COL28A1: variants seen among roughly 807,000 people sequenced by gnomAD.
COL28A1 encodes the protein collagen type XXVIII alpha 1 chain.
In COL28A1, 161 loss-of-function variants were observed where a neutral mutation model predicts 150.2. The ratio of observed to expected loss-of-function variants is 1.07; its 90% CI spans 0.94 to 1.22. The LOEUF (loss-of-function observed/expected upper bound fraction) is 1.22, where lower values mean the gene tolerates loss of function less well. Ranked by LOEUF, COL28A1 falls within the 50% of genes most tolerant of loss-of-function variation. The probability of loss-of-function intolerance (pLI) is 0.00; values close to 1 mark genes in which losing one functional copy is unlikely to be tolerated. For missense variants in COL28A1, 1,617 were observed against 1,388.3 expected (o/e 1.16, Z -2.62); for synonymous variants, 552 against 469.7 (o/e 1.18, Z -2.26).
intron 15 of COL28A1, among the ~76,000 whole-genome samples, chr7:7,463,706 A>C (rs1183801888): frequency 6.6e-6 from 1 of 152,248 alleles, no homozygotes; most frequent in Non-Finnish European, 1.5e-5. Context: ...GAAACACATC[A>C]AAACAGAAAC....
the COL28A1 span, among the ~76,000 whole-genome samples, chr7:7,344,241 A>G: frequency 6.6e-6 from 1 of 151,986 alleles, no homozygotes; most frequent in African/African-American, 2.4e-5. Context: ...CAGGGTCTGG[A>G]TTGTAAGTGG....
chr7:7,393,971 G>C (rs981874040), intron 27 of COL28A1, among the ~76,000 whole-genome samples: 3 of 89,718 alleles, frequency 3.3e-5, no homozygotes, highest in Non-Finnish European at 7.7e-5. Context: ...TGTGCCACTG[G>C]GGTATGAAAA....
At chr7:7,352,524 C>T (rs149637496), downstream of COL28A1, among the ~76,000 whole-genome samples, 859 of 152,262 alleles carry the variant, frequency 5.6e-3, 13 homozygotes, top group African/African-American at 0.02. Context: ...TCCAGCTCTG[C>T]TCAGAAAACC....
At chr7:7,441,887 G>A (rs775852892) in intron 20 of COL28A1, among the ~76,000 whole-genome samples, 4 of 151,862 alleles carry the variant, frequency 2.6e-5, no homozygotes, top group Non-Finnish European at 5.9e-5. Context: ...CAGTGGCACC[G>A]GTGTAAAAAA....
chr7:7,479,338 C>T (rs1199355813), intron 13 of COL28A1, among the ~76,000 whole-genome samples: 1 of 152,102 alleles, frequency 6.6e-6, no homozygotes, highest in Non-Finnish European at 1.5e-5. Flanking sequence ...TGTTCTATTC[C>T]ACTGTTCTCA....
At chr7:7,537,296 T>C (rs966382765), upstream of COL28A1, among the ~76,000 whole-genome samples, 2 of 151,956 alleles carry the variant, frequency 1.3e-5, no homozygotes, top group African/African-American at 2.4e-5. Context: ...CACCAATGCA[T>C]CTAATGGGCA....
chr7:7,484,107 T>C (rs931054659), intron 13 of COL28A1, among the ~76,000 whole-genome samples: 2 of 152,094 alleles, frequency 1.3e-5, no homozygotes, highest in Non-Finnish European at 2.9e-5. Flanking sequence ...CATGAAACGG[T>C]AAATCTGAAA....
At chr7:7,434,505 G>T (rs1041752378) in intron 23 of COL28A1, among the ~76,000 whole-genome samples, 2 of 152,168 alleles carry the variant, frequency 1.3e-5, no homozygotes, top group Non-Finnish European at 2.9e-5. Flanking sequence ...AAAAGGAAAA[G>T]AAAATTGGAA....
At chr7:7,538,998 A>G (rs972196394), upstream of COL28A1, among the ~76,000 whole-genome samples, 3 of 149,500 alleles carry the variant, frequency 2.0e-5, no homozygotes, top group Admixed American at 6.7e-5. Flanking sequence ...TCTTTTTGTC[A>G]GTAGAAAAGC....
At chr7:7,381,485 A>T in intron 28 of COL28A1, 59 bp downstream of exon 28, 1 of 1,236,762 alleles carries the variant, frequency 8.1e-7, no homozygotes, top group Non-Finnish European at 1.2e-6. Flanking sequence ...TTCCAAAGTT[A>T]AAGTTAAGCT....
At chr7:7,520,672 G>T (rs1781673577) in intron 5 of COL28A1, among the ~76,000 whole-genome samples, 1 of 152,202 alleles carries the variant, frequency 6.6e-6, no homozygotes, top group Non-Finnish European at 1.5e-5. Flanking sequence ...TCTGAGAAAT[G>T]GTGTTGGGGG....
chr7:7,352,474 C>G (rs538114243), downstream of COL28A1, among the ~76,000 whole-genome samples: 9 of 152,234 alleles, frequency 5.9e-5, no homozygotes, highest in East Asian at 1.2e-3. Flanking sequence ...TCAGGTGAGC[C>G]CAATCTAATC....
intron 30 of COL28A1, among the ~76,000 whole-genome samples, chr7:7,378,712 G>C (rs991422891): frequency 2.6e-5 from 4 of 152,174 alleles, no homozygotes; most frequent in African/African-American, 9.7e-5. Flanking sequence ...GCTCTGCTAC[G>C]TGCCAGCTAG....
intron 27 of COL28A1, among the ~76,000 whole-genome samples, chr7:7,390,342 C>T (rs1183764725): frequency 1.3e-5 from 2 of 152,114 alleles, no homozygotes; most frequent in African/African-American, 4.8e-5. Context: ...GGGATGAAGC[C>T]AACTTGATCG....
chr7:7,394,148 C>G lies in COL28A1; in HGVS notation c.2137-12536G>C, dbSNP rs536972178. Among the ~76,000 whole-genome samples, 44 of 152,282 alleles carry G rather than the reference C, an allele frequency of 2.9e-4. No individual in the cohort carries two copies. In the South Asian group the frequency reaches 8.9e-3, roughly 31 times the overall value. On this transcript the variant is annotated intron_variant, in intron 27 of 34. Transcript: ENST00000399429. ...ATCTGGACCAGAGTGCACCGTTCCT[C>G]ATGGCACAGTCCCTCATGGCTTCCC...
At chr7:7,422,799 C>A (rs542514873) in intron 25 of COL28A1, among the ~76,000 whole-genome samples, 1 of 152,088 alleles carries the variant, frequency 6.6e-6, no homozygotes, top group African/African-American at 2.4e-5. Context: ...AAGTTCCTGC[C>A]GGCTATTACT....
chr7:7,516,445 T>C (rs1305271886), intron 7 of COL28A1, among the ~76,000 whole-genome samples: 4 of 152,212 alleles, frequency 2.6e-5, no homozygotes, highest in Non-Finnish European at 5.9e-5. Context: ...GCACTTCTAC[T>C]GTCTTCTGTG....
downstream of COL28A1, among the ~76,000 whole-genome samples, chr7:7,354,839 C>T (rs1294624): frequency 0.61 from 93,390 of 151,986 alleles, 32,731 homozygotes; most frequent in East Asian, 0.87. Flanking sequence ...TTTATGCAGC[C>T]GTTATTCAAG....
chr7:7,394,512 T>C (rs1381649019), intron 27 of COL28A1, among the ~76,000 whole-genome samples: 1 of 152,234 alleles, frequency 6.6e-6, no homozygotes, highest in East Asian at 1.9e-4. Flanking sequence ...TTAAATTCAT[T>C]TGAAGATGTG....
Sources: allele counts gnomAD v4.1 joint callset (sites outside exome capture counted in the v4.1 genomes callset), GRCh38; gene constraint gnomAD v4.1.1; transcripts MANE v1.5; gene names NCBI Gene and HGNC (gene_info 2026-07-23, HGNC 2026-07-21).